The following GRID2 variants were observed in gnomAD, a reference collection of about 807,000 sequenced individuals.
GRID2 encodes glutamate ionotropic receptor delta type subunit 2, also known as glutamate receptor ionotropic, delta-2.
Under a neutral mutation model 114.8 loss-of-function variants are expected in GRID2, and 33 were observed. That is an observed-to-expected ratio of 0.29 (90% CI 0.22 to 0.38). GRID2 has a LOEUF of 0.38. Among genes scored for constraint, GRID2 ranks in the 10% least tolerant of loss-of-function variants. GRID2 has a pLI of 1.00. For synonymous variants in GRID2, 505 were observed against 449.9 expected, an observed-to-expected ratio of 1.12 and a Z score of -1.55; for missense variants, 1,184 against 1,257.7, an observed-to-expected ratio of 0.94 and a Z score of 0.89.
intron 2 of GRID2, among the ~76,000 whole-genome samples, chr4:92,912,764 T>A (rs928323429): frequency 6.6e-6 from 1 of 151,866 alleles, no homozygotes; most frequent in Non-Finnish European, 1.5e-5. Context: ...ATTGTGAATA[T>A]ACAACTATGA....
At chr4:92,896,565 T>C (rs1028218549) in intron 2 of GRID2, among the ~76,000 whole-genome samples, 3 of 150,650 alleles carry the variant, frequency 2.0e-5, no homozygotes, top group African/African-American at 7.3e-5. Flanking sequence ...ATTATATATA[T>C]ATATATATAG....
chr4:92,590,047 C>T, intron 1 of GRID2, 84 bp from the exon 2 acceptor site: 2 of 891,822 alleles, frequency 2.2e-6, no homozygotes, highest in Non-Finnish European at 3.6e-6. Context: ...GTTTTTTAAA[C>T]ACATAAGTCT....
At chr4:92,774,314 G>A (rs1051977700) in intron 2 of GRID2, among the ~76,000 whole-genome samples, 5 of 152,062 alleles carry the variant, frequency 3.3e-5, no homozygotes, top group African/African-American at 1.2e-4. Flanking sequence ...CACGGCCATG[G>A]GAGAAGAGAC....
chr4:92,942,888 A>T (rs1425514130), intron 2 of GRID2, among the ~76,000 whole-genome samples: 1 of 152,118 alleles, frequency 6.6e-6, no homozygotes, highest in East Asian at 1.9e-4. Flanking sequence ...AAGAATGTTG[A>T]ATATTGGCCC....
intron 2 of GRID2, among the ~76,000 whole-genome samples, chr4:92,612,100 A>G (rs926155957): frequency 2.6e-5 from 4 of 151,348 alleles, no homozygotes; most frequent in African/African-American, 7.3e-5. Context: ...GAAAATGCCT[A>G]TATTTAACTT....
intron 2 of GRID2, among the ~76,000 whole-genome samples, chr4:92,778,668 A>C (rs1044353949): frequency 2.0e-5 from 3 of 152,148 alleles, no homozygotes; most frequent in African/African-American, 7.2e-5. Flanking sequence ...TAATAATTTT[A>C]TGGCATTATG....
intron 2 of GRID2, among the ~76,000 whole-genome samples, chr4:92,823,752 C>T (rs765222837): frequency 2.6e-5 from 4 of 152,024 alleles, no homozygotes; most frequent in Non-Finnish European, 4.4e-5. Context: ...TCTGAAATTC[C>T]TTCTAAGCCC....
intron 8 of GRID2, among the ~76,000 whole-genome samples, chr4:93,260,524 A>G (rs1192058308): frequency 2.6e-5 from 4 of 151,716 alleles, no homozygotes; most frequent in Non-Finnish European, 5.9e-5. Flanking sequence ...AGTTAATTTA[A>G]GTAAAGGAAA....
At position 93,555,965 on chromosome 4, in the gene GRID2, G is replaced by A. The variant is rs146347616; in HGVS notation, c.2193+40554G>A. ...CTCCACTGGTGATACCCAGGCAAAC[G>A]GAGTCTGGAGTGGACCTCCAGCAAA... On this transcript the variant is annotated intron_variant, in intron 13 of 15. Transcript: ENST00000282020. Among the ~76,000 whole-genome samples, 1,146 of 152,242 alleles carry A rather than the reference G, an allele frequency of 7.5e-3. 13 individuals are homozygous for A. Among genetic ancestry groups the A allele is most frequent in the African/African-American group, 0.025 (1,051 of 41,548 alleles).
chr4:93,504,542 T>C (rs542807794), intron 12 of GRID2, among the ~76,000 whole-genome samples: 1 of 152,126 alleles, frequency 6.6e-6, no homozygotes, highest in South Asian at 2.1e-4. Context: ...TGATTAGAAG[T>C]ACGATGAAGT....
chr4:93,791,409 C>G (rs1388001550), intron 1 of GRID2, among the ~76,000 whole-genome samples: 1 of 152,004 alleles, frequency 6.6e-6, no homozygotes, highest in Non-Finnish European at 1.5e-5. Flanking sequence ...AAGGTCATAT[C>G]CAAGGCAAGT....
chr4:92,660,583 A>G (rs1732468478), intron 2 of GRID2, among the ~76,000 whole-genome samples: 1 of 151,274 alleles, frequency 6.6e-6, no homozygotes, highest in Non-Finnish European at 1.5e-5. Context: ...TCTAGAACAG[A>G]GAAGGAACCA....
chr4:93,687,441 A>G (rs529529222), intron 14 of GRID2, among the ~76,000 whole-genome samples: 2 of 152,152 alleles, frequency 1.3e-5, no homozygotes, highest in Admixed American at 1.3e-4. Context: ...GCAGAAGAGA[A>G]GAAGGCTGAA....
intron 2 of GRID2, among the ~76,000 whole-genome samples, chr4:92,848,178 C>T (rs1743481391): frequency 6.6e-6 from 1 of 151,280 alleles, no homozygotes; most frequent in East Asian, 1.9e-4. Context: ...TGGAAGTGTT[C>T]ACACCACAGA....
At chr4:93,369,385 T>G (rs1443898323) in intron 8 of GRID2, among the ~76,000 whole-genome samples, 1 of 152,226 alleles carries the variant, frequency 6.6e-6, no homozygotes, top group Non-Finnish European at 1.5e-5. Flanking sequence ...CAAAGATCCT[T>G]TTTCCAAATA....
intron 8 of GRID2, among the ~76,000 whole-genome samples, chr4:93,249,790 A>G (rs1018974408): frequency 5.3e-5 from 8 of 152,096 alleles, no homozygotes; most frequent in Admixed American, 3.9e-4. Flanking sequence ...CAAAACCACA[A>G]CGAGATACCA....
intron 4 of GRID2, among the ~76,000 whole-genome samples, chr4:93,127,221 T>A (rs185323373): frequency 6.6e-6 from 1 of 152,326 alleles, no homozygotes; most frequent in East Asian, 1.9e-4. Flanking sequence ...TTTTAACATG[T>A]TCATCATGAA....
intron 1 of GRID2, among the ~76,000 whole-genome samples, chr4:92,344,175 A>T (rs1727650988): frequency 6.6e-6 from 1 of 152,210 alleles, no homozygotes; most frequent in Non-Finnish European, 1.5e-5. Context: ...TGCTAAGATG[A>T]AGCCAGGCGA....
intron 1 of GRID2, among the ~76,000 whole-genome samples, chr4:92,496,619 A>G (rs867604780): frequency 2.2e-4 from 34 of 151,776 alleles, no homozygotes; most frequent in African/African-American, 7.7e-4. Flanking sequence ...ATGTTTATTT[A>G]TGTTAAATTA....
Sources: allele counts gnomAD v4.1 joint callset (sites outside exome capture counted in the v4.1 genomes callset), GRCh38; gene constraint gnomAD v4.1.1; transcripts MANE v1.5; gene names NCBI Gene and HGNC (gene_info 2026-07-23, HGNC 2026-07-21).